CLEC16A: variants seen among roughly 807,000 people sequenced by gnomAD.
CLEC16A encodes protein CLEC16A.
In CLEC16A, 51 loss-of-function variants were observed where a neutral mutation model predicts 109.5. That is an observed-to-expected ratio of 0.47 (90% CI 0.37 to 0.59). The LOEUF (loss-of-function observed/expected upper bound fraction) is 0.59, where lower values mean the gene tolerates loss of function less well. Among genes scored for constraint, CLEC16A ranks in the 20% least tolerant of loss-of-function variants. The pLI, the probability that CLEC16A is intolerant of heterozygous loss-of-function variation, is 0.00. For missense variants in CLEC16A, 1,339 were observed against 1,394.0 expected (o/e 0.96, Z 0.63); for synonymous variants, 673 against 564.2 (o/e 1.19, Z -2.73).
intron 19 of CLEC16A, 81 bp downstream of exon 19, chr16:11,061,103 T>TG: frequency 7.0e-7 from 1 of 1,433,538 alleles, no homozygotes; most frequent in Non-Finnish European, 9.3e-7. Context: ...CACACGCCAC[T>TG]GGGAGGGTCA....
intron 19 of CLEC16A, among the ~76,000 whole-genome samples, chr16:11,107,322 T>A (rs1237683665): frequency 6.6e-5 from 10 of 152,194 alleles, no homozygotes; most frequent in Admixed American, 2.0e-4. Flanking sequence ...ACCCACTCTC[T>A]GTCCAGGAAA....
intron 15 of CLEC16A, 33 bp downstream of exon 15, chr16:11,042,396 C>A: frequency 6.7e-7 from 1 of 1,500,036 alleles, no homozygotes; most frequent in East Asian, 2.4e-5. Flanking sequence ...TTCCTGTGGG[C>A]CAAGGGAGAG....
chr16:11,113,426 G>A (rs2051736586), intron 19 of CLEC16A, among the ~76,000 whole-genome samples: 1 of 152,228 alleles, frequency 6.6e-6, no homozygotes. Flanking sequence ...TTGGGAGGCT[G>A]AGGTGGGAGG....
chr16:10,986,899 G>T (rs1207947394), intron 10 of CLEC16A, among the ~76,000 whole-genome samples: 1 of 151,826 alleles, frequency 6.6e-6, no homozygotes, highest in African/African-American at 2.4e-5. Context: ...TGTCGCCCAG[G>T]CTGGAGTACA....
chr16:11,067,391 A>C (rs2152919646), intron 19 of CLEC16A, among the ~76,000 whole-genome samples: 1 of 151,860 alleles, frequency 6.6e-6, no homozygotes, highest in South Asian at 2.1e-4. Context: ...AGGCTTCTGA[A>C]GGAGGGGCCC....
chr16:11,063,210 T>C (rs1447441922), intron 19 of CLEC16A, among the ~76,000 whole-genome samples: 1 of 151,916 alleles, frequency 6.6e-6, no homozygotes, highest in East Asian at 1.9e-4. Context: ...GTAGGGATTA[T>C]GGAAGCACGT....
chr16:11,122,445 G>T (rs531666264), intron 20 of CLEC16A, among the ~76,000 whole-genome samples: 2 of 152,180 alleles, frequency 1.3e-5, no homozygotes, highest in East Asian at 3.9e-4. Context: ...GAATTAATAT[G>T]TGTCTTCCAT....
Position 11,130,069 on chromosome 16 carries a change from G to T in CLEC16A, c.2641+3923G>T, listed in dbSNP as rs1234187801. On this transcript the variant is annotated intron_variant, in intron 22 of 23. Coordinates refer to ENST00000409790, the MANE Select transcript of CLEC16A (RefSeq NM_015226.3). ...GAGCCACCGCACCCAGCCTAGCCTGGTTCCGTTTATCCACAGCACTGAGGT... is the reference window on the plus strand; with the variant it reads ...GAGCCACCGCACCCAGCCTAGCCTGTTTCCGTTTATCCACAGCACTGAGGT... 3.9e-5 allele frequency among the ~76,000 whole-genome samples: 6 copies of T among 152,142 alleles called. 1 individual carries two copies. In the East Asian group the frequency reaches 1.2e-3, roughly 29 times the overall value.
At chr16:11,117,840 T>C (rs1360672499) in intron 19 of CLEC16A, among the ~76,000 whole-genome samples, 4 of 152,228 alleles carry the variant, frequency 2.6e-5, no homozygotes, top group Non-Finnish European at 5.9e-5. Context: ...AGCTCTCTTG[T>C]TTAAAACATA....
intron 10 of CLEC16A, among the ~76,000 whole-genome samples, chr16:10,997,971 A>T (rs1353830416): frequency 6.6e-6 from 1 of 152,178 alleles, no homozygotes; most frequent in African/African-American, 2.4e-5. Context: ...TGTTTGTTTG[A>T]CATCTGTCTT....
chr16:10,994,711 A>AT (rs2044229614), intron 10 of CLEC16A, among the ~76,000 whole-genome samples: 1 of 152,216 alleles, frequency 6.6e-6, no homozygotes, highest in Admixed American at 6.5e-5. Flanking sequence ...CTCAAAAAAA[A>AT]AAGTGAAAAG....
At chr16:11,058,745 A>G (rs1218277573) in intron 18 of CLEC16A, among the ~76,000 whole-genome samples, 1 of 152,210 alleles carries the variant, frequency 6.6e-6, no homozygotes, top group Non-Finnish European at 1.5e-5. Flanking sequence ...ACAGTTTTTC[A>G]GAGTGGTGGG....
intron 22 of CLEC16A, 80 bp from the exon 23 acceptor site, chr16:11,166,308 T>A: frequency 6.9e-7 from 1 of 1,451,692 alleles, no homozygotes; most frequent in Non-Finnish European, 9.2e-7. Context: ...TGAGGTTGGG[T>A]TGTTCAGTGG....
intron 18 of CLEC16A, chr16:11,056,883 C>A (rs186061643): frequency 6.6e-6 from 1 of 152,028 alleles, no homozygotes; most frequent in African/African-American, 2.4e-5. Flanking sequence ...TCTTTCTTTT[C>A]GTCGTAGCAC....
intron 15 of CLEC16A, among the ~76,000 whole-genome samples, chr16:11,042,687 A>G (rs1005819743): frequency 6.6e-6 from 1 of 152,190 alleles, no homozygotes; most frequent in African/African-American, 2.4e-5. Flanking sequence ...AAACACATCA[A>G]CACACATACA....
chr16:11,156,011 T>G lies in CLEC16A; in HGVS notation c.2642-10377T>G, dbSNP rs374606922. Among the ~76,000 whole-genome samples, 16 of 152,270 alleles carry G rather than the reference T, an allele frequency of 1.1e-4. No individual in the cohort carries two copies. The East Asian group carries it at 2.7e-3, about 26-fold the overall frequency. On this transcript the variant is annotated intron_variant, in intron 22 of 23. Transcript: ENST00000409790. ...GATACACACTGTACGGCCTCCCTGC[T>G]TCTGGCCAAAAAGGTCAAAATGGGG...
At chr16:11,099,113 T>C (rs893780797) in intron 19 of CLEC16A, among the ~76,000 whole-genome samples, 39 of 114,742 alleles carry the variant, frequency 3.4e-4, no homozygotes, top group African/African-American at 1.2e-3. Flanking sequence ...GAGCCAAGAG[T>C]GCATGTGGCC....
At chr16:11,011,918 G>T (rs919210314) in intron 11 of CLEC16A, among the ~76,000 whole-genome samples, 5 of 151,762 alleles carry the variant, frequency 3.3e-5, no homozygotes, top group Non-Finnish European at 7.4e-5. Context: ...TCTACTCACT[G>T]ATTTGCCCAA....
At chr16:11,150,749 G>A (rs943377617) in intron 22 of CLEC16A, among the ~76,000 whole-genome samples, 2 of 152,184 alleles carry the variant, frequency 1.3e-5, no homozygotes, top group South Asian at 2.1e-4. Context: ...TGTCTCACAG[G>A]TCTGGAGGGT....
Sources: allele counts gnomAD v4.1 joint callset (sites outside exome capture counted in the v4.1 genomes callset), GRCh38; gene constraint gnomAD v4.1.1; transcripts MANE v1.5; gene names NCBI Gene and HGNC (gene_info 2026-07-23, HGNC 2026-07-21).